Variants in SPINDOC observed in about 807,000 individuals in gnomAD.
SPINDOC encodes the protein spindlin interactor and repressor of chromatin-binding protein.
Under a neutral mutation model 30.7 loss-of-function variants are expected in SPINDOC, and 13 were observed. The ratio of observed to expected loss-of-function variants is 0.42; its 90% CI spans 0.28 to 0.67. SPINDOC has a LOEUF of 0.67. SPINDOC is among the 30% of genes least tolerant of loss of function. The probability of loss-of-function intolerance (pLI) is 0.22; values close to 1 mark genes in which losing one functional copy is unlikely to be tolerated. For missense variants in SPINDOC, 438 were observed against 518.0 expected, an observed-to-expected ratio of 0.85 and a Z score of 1.50; for synonymous variants, 228 against 211.4, an observed-to-expected ratio of 1.08 and a Z score of -0.68.
At chr11:63,817,346 AAAAT>A (rs1242481313) in intron 1 of SPINDOC, among the ~76,000 whole-genome samples, 15 of 152,310 alleles carry the variant, frequency 9.8e-5, no homozygotes, top group African/African-American at 3.6e-4. Context: ...ACTCTGTCTC[AAAAT>A]AAATAAATAA....
intron 5 of SPINDOC, among the ~76,000 whole-genome samples, chr11:63,820,347 G>A (rs1229415716): frequency 3.4e-5 from 5 of 147,532 alleles, no homozygotes; most frequent in South Asian, 2.1e-4. Flanking sequence ...GCAGTGAGCC[G>A]AGATTGCGCC....
At chr11:63,815,406 T>C (rs2015312253) in intron 1 of SPINDOC, among the ~76,000 whole-genome samples, 2 of 152,178 alleles carry the variant, frequency 1.3e-5, no homozygotes, top group South Asian at 4.1e-4. Flanking sequence ...TTTTCCGAGA[T>C]GGGGAAGGCT....
At chr11:63,820,889 C>CAAAAAAAAAAAA (rs60839586) in intron 5 of SPINDOC, among the ~76,000 whole-genome samples, 10 of 74,428 alleles carry the variant, frequency 1.3e-4, no homozygotes, top group East Asian at 5.4e-4. Context: ...AACTCCGTCT[C>CAAAAAAAAAAAA]AAAAAAAAAA....
At chr11:63,820,868 C>G (rs11827195) in intron 5 of SPINDOC, among the ~76,000 whole-genome samples, 3 of 125,290 alleles carry the variant, frequency 2.4e-5, no homozygotes, top group African/African-American at 8.7e-5. Flanking sequence ...CCAGCCTGGG[C>G]GACAGAGCGA....
chr11:63,820,219 G>A lies in SPINDOC; in HGVS notation c.934+1217G>A, dbSNP rs114175351. Among the ~76,000 whole-genome samples, 543 of 151,164 alleles carry A rather than the reference G, an allele frequency of 3.6e-3. 4 individuals are homozygous for A. Among genetic ancestry groups the A allele is most frequent in the African/African-American group, 0.012 (500 of 40,670 alleles). On this transcript the variant is annotated intron_variant, in intron 5 of 5. Transcript: ENST00000294244. ...TTGAGACCAACCTGGCCGATATGGC[G>A]AAACCTCATCTCTACTAAAAATATA...
intron 1 of SPINDOC, 54 bp from the exon 2 acceptor site, chr11:63,817,751 G>A (rs2015380338): frequency 2.8e-6 from 4 of 1,444,064 alleles, no homozygotes; most frequent in East Asian, 2.5e-5. Flanking sequence ...CGTGCTAAGT[G>A]TTGTTGGTTG....
At chr11:63,817,176 C>T (rs1169288811) in intron 1 of SPINDOC, among the ~76,000 whole-genome samples, 1 of 150,320 alleles carries the variant, frequency 6.7e-6, no homozygotes, top group African/African-American at 2.5e-5. Context: ...ATGAGACCCC[C>T]ATCTTTTAAA....
intron 5 of SPINDOC, among the ~76,000 whole-genome samples, chr11:63,819,549 T>C (rs2015452032): frequency 6.6e-6 from 1 of 151,406 alleles, no homozygotes; most frequent in Admixed American, 6.6e-5. Flanking sequence ...CAGGCTGGAG[T>C]GCAGTGGCGC....
At chr11:63,815,588 G>A (rs903600202) in intron 1 of SPINDOC, among the ~76,000 whole-genome samples, 15 of 152,194 alleles carry the variant, frequency 9.9e-5, no homozygotes, top group African/African-American at 3.6e-4. Flanking sequence ...GGCAGACAGT[G>A]GGAAGAGAAG....
At chr11:63,815,170 A>AG (rs2015306358) in intron 1 of SPINDOC, among the ~76,000 whole-genome samples, 2 of 152,254 alleles carry the variant, frequency 1.3e-5, no homozygotes, top group Non-Finnish European at 2.9e-5. Context: ...TTAATTGAAT[A>AG]TATCGAGTGG....
At chr11:63,819,840 A>T (rs2015461221) in intron 5 of SPINDOC, among the ~76,000 whole-genome samples, 1 of 152,122 alleles carries the variant, frequency 6.6e-6, no homozygotes, top group Non-Finnish European at 1.5e-5. Context: ...GGAATTGGTC[A>T]CTGGGTCCGG....
chr11:63,821,949 G>T (rs184854904), intron 5 of SPINDOC, among the ~76,000 whole-genome samples: 1 of 152,238 alleles, frequency 6.6e-6, no homozygotes, highest in East Asian at 1.9e-4. Flanking sequence ...GGTTTTCACT[G>T]TGTTGCCCAA....
chr11:63,820,889 C>CAAAAAA lies in SPINDOC; in HGVS notation c.934+1900_934+1905dup, dbSNP rs60839586. Among the ~76,000 whole-genome samples the CAAAAAA allele has an allele frequency of 4.0e-4, 30 of 74,430 alleles. 1 individual carries two copies. The highest frequency in any genetic ancestry group is 1.1e-3 in the East Asian group (2 of 1,850). The allele number at this position is 74,430 out of a possible 152,430, so 48.8% of individuals were successfully genotyped here. On this transcript the variant is annotated intron_variant, in intron 5 of 5. Transcript: ENST00000294244. ...TGGGCGACAGAGCGAAACTCCGTCT[C>CAAAAAA]AAAAAAAAAAAAAAAAAACAACACA...
chr11:63,817,162 C>CA (rs761890300), intron 1 of SPINDOC, among the ~76,000 whole-genome samples: 1 of 151,276 alleles, frequency 6.6e-6, no homozygotes, highest in East Asian at 2.0e-4. Context: ...GCCTGGGTGA[C>CA]AAAATGAGAC....
At chr11:63,825,614 A>G (rs1443892540) in intron 5 of SPINDOC, among the ~76,000 whole-genome samples, 2 of 152,208 alleles carry the variant, frequency 1.3e-5, no homozygotes, top group Non-Finnish European at 2.9e-5. Context: ...CATTGGGCAT[A>G]TAGTACTCAA....
intron 5 of SPINDOC, among the ~76,000 whole-genome samples, chr11:63,823,599 C>CT (rs370958397): frequency 6.6e-6 from 1 of 151,960 alleles, no homozygotes; most frequent in African/African-American, 2.4e-5. Context: ...TGGTGTTTTT[C>CT]TTTTTTTTAT....
intron 1 of SPINDOC, among the ~76,000 whole-genome samples, chr11:63,814,985 T>G (rs2015301219): frequency 7.0e-6 from 1 of 143,374 alleles, no homozygotes; most frequent in Non-Finnish European, 1.5e-5. Flanking sequence ...TTTAGGCTAG[T>G]GTTTTTAGGC....
chr11:63,825,723 A>T (rs1228143869), intron 5 of SPINDOC, among the ~76,000 whole-genome samples: 2 of 152,208 alleles, frequency 1.3e-5, no homozygotes, highest in Non-Finnish European at 2.9e-5. Context: ...AACACAGAAT[A>T]GCATTTGGTA....
intron 1 of SPINDOC, among the ~76,000 whole-genome samples, chr11:63,817,412 G>T (rs1393427972): frequency 6.6e-6 from 1 of 152,150 alleles, no homozygotes; most frequent in Non-Finnish European, 1.5e-5. Context: ...AAGTGTAGAA[G>T]TCAGATTTGG....
Sources: gnomAD v4.1 joint callset for allele counts (sites outside exome capture counted in the v4.1 genomes callset) on GRCh38, gnomAD v4.1.1 for gene constraint, MANE v1.5 for transcripts, NCBI Gene and HGNC (gene_info 2026-07-23, HGNC 2026-07-21) for gene names.